Variants in ZNF438 observed in about 807,000 individuals in gnomAD.
ZNF438 encodes zinc finger protein 438.
Under a neutral mutation model 38.0 loss-of-function variants are expected in ZNF438, and 25 were observed. The ratio of observed to expected loss-of-function variants is 0.66; its 90% CI spans 0.48 to 0.92. The LOEUF (loss-of-function observed/expected upper bound fraction) is 0.92. Among genes scored for constraint, ZNF438 ranks in the 40% least tolerant of loss-of-function variants. The probability of loss-of-function intolerance (pLI) is 0.00; values close to 1 mark genes in which losing one functional copy is unlikely to be tolerated. For missense variants in ZNF438, 1,007 were observed against 999.6 expected, an observed-to-expected ratio of 1.01 and a Z score of -0.10; for synonymous variants, 372 against 364.1, an observed-to-expected ratio of 1.02 and a Z score of -0.25.
chr10:30,919,022 G>A (rs2134847349), intron 2 of ZNF438: 1 of 152,290 alleles, frequency 6.6e-6, no homozygotes, highest in African/African-American at 2.4e-5. Context: ...TAAAATTTAA[G>A]CTCTTTGTCT....
At chr10:30,916,881 T>C (rs2043697553) in intron 2 of ZNF438, among the ~76,000 whole-genome samples, 1 of 152,106 alleles carries the variant, frequency 6.6e-6, no homozygotes, top group African/African-American at 2.4e-5. Flanking sequence ...TTGATTCAAT[T>C]TGTATAACCA....
intron 1 of ZNF438, among the ~76,000 whole-genome samples, chr10:31,028,123 A>G (rs77966104): frequency 0.082 from 12,524 of 152,046 alleles, 613 homozygotes; most frequent in Non-Finnish European, 0.11. Flanking sequence ...ATATATCACC[A>G]GATCCCCTTT....
chr10:31,002,689 C>T (rs1345247877), intron 1 of ZNF438, among the ~76,000 whole-genome samples: 2 of 152,184 alleles, frequency 1.3e-5, no homozygotes, highest in Non-Finnish European at 2.9e-5. Flanking sequence ...CTAGGGAATG[C>T]CCTTTCATCC....
intron 1 of ZNF438, among the ~76,000 whole-genome samples, chr10:30,966,010 A>G (rs1236659107): frequency 6.6e-6 from 1 of 152,212 alleles, no homozygotes; most frequent in Non-Finnish European, 1.5e-5. Context: ...AATAGAATCT[A>G]CAAAAGTAAT....
At chr10:30,943,496 T>C (rs970334034) in intron 1 of ZNF438, among the ~76,000 whole-genome samples, 1 of 152,146 alleles carries the variant, frequency 6.6e-6, no homozygotes, top group Admixed American at 6.5e-5. Flanking sequence ...AGAGGGGCTT[T>C]TAGTATTTAA....
chr10:30,913,196 A>G (rs2043255154), intron 2 of ZNF438, among the ~76,000 whole-genome samples: 1 of 151,880 alleles, frequency 6.6e-6, no homozygotes, highest in Non-Finnish European at 1.5e-5. Flanking sequence ...AAAACCCTTT[A>G]TTTGTTTCTC....
chr10:30,917,764 G>A (rs193290333), intron 2 of ZNF438, among the ~76,000 whole-genome samples: 2 of 151,802 alleles, frequency 1.3e-5, no homozygotes, highest in East Asian at 3.9e-4. Context: ...CTTGTTTTTT[G>A]TTTTCTTAGT....
intron 1 of ZNF438, among the ~76,000 whole-genome samples, chr10:31,016,909 A>C (rs2056236963): frequency 6.6e-6 from 1 of 152,192 alleles, no homozygotes; most frequent in Admixed American, 6.5e-5. Context: ...TAAAGGGATA[A>C]CTTGAAGTCT....
chr10:30,923,632 T>C (rs1387751316), intron 2 of ZNF438, among the ~76,000 whole-genome samples: 1 of 152,216 alleles, frequency 6.6e-6, no homozygotes, highest in African/African-American at 2.4e-5. Context: ...CTTCCACATA[T>C]AGGTGGATCT....
At chr10:30,904,658 G>A (rs1434507241) in intron 3 of ZNF438, among the ~76,000 whole-genome samples, 2 of 152,044 alleles carry the variant, frequency 1.3e-5, no homozygotes, top group Non-Finnish European at 2.9e-5. Context: ...CTTCTCGGAC[G>A]CACCCTGCAC....
intron 1 of ZNF438, among the ~76,000 whole-genome samples, chr10:30,947,361 C>A (rs568395316): frequency 6.6e-6 from 1 of 152,312 alleles, no homozygotes; most frequent in Admixed American, 6.5e-5. Context: ...AATTAGAGAA[C>A]CATAACAGAA....
chr10:30,899,344 TAGAC>T (rs1195276880), intron 3 of ZNF438, among the ~76,000 whole-genome samples: 1 of 152,146 alleles, frequency 6.6e-6, no homozygotes, highest in Non-Finnish European at 1.5e-5. Flanking sequence ...AAACAGCACA[TAGAC>T]AGAAGAAAAG....
chr10:30,952,096 G>C (rs1039277645), intron 1 of ZNF438, among the ~76,000 whole-genome samples: 1 of 151,302 alleles, frequency 6.6e-6, no homozygotes, highest in South Asian at 2.1e-4. Flanking sequence ...AAATAACGCT[G>C]CCTATCTACA....
At chr10:30,872,476 C>T (rs535828934) in intron 4 of ZNF438, among the ~76,000 whole-genome samples, 2 of 131,504 alleles carry the variant, frequency 1.5e-5, no homozygotes, top group African/African-American at 5.5e-5. Flanking sequence ...AGAGGTCAGG[C>T]GCAGTGGCTG....
chr10:30,982,822 C>T (rs1322273930), intron 1 of ZNF438, among the ~76,000 whole-genome samples: 3 of 152,078 alleles, frequency 2.0e-5, no homozygotes, highest in Non-Finnish European at 4.4e-5. Context: ...AGTTATCATG[C>T]TAGAGTCCAT....
At chr10:30,932,601 A>C (rs1287915472) in intron 2 of ZNF438, among the ~76,000 whole-genome samples, 1 of 152,208 alleles carries the variant, frequency 6.6e-6, no homozygotes, top group African/African-American at 2.4e-5. Flanking sequence ...AGTTGAATGC[A>C]GCACTCTGCC....
chr10:30,908,233 A>G (rs2042765018), intron 3 of ZNF438, among the ~76,000 whole-genome samples: 1 of 152,210 alleles, frequency 6.6e-6, no homozygotes, highest in African/African-American at 2.4e-5. Flanking sequence ...GTGGTCAGAG[A>G]ACATACTTTA....
At chr10:30,947,200 C>G (rs376244372) in intron 1 of ZNF438, among the ~76,000 whole-genome samples, 14 of 152,270 alleles carry the variant, frequency 9.2e-5, no homozygotes, top group African/African-American at 2.6e-4. Flanking sequence ...AGCTCATTCT[C>G]GAGTTGAAGG....
chr10:30,891,265 G>A (rs549287450), intron 3 of ZNF438, among the ~76,000 whole-genome samples: 7 of 151,914 alleles, frequency 4.6e-5, no homozygotes, highest in Non-Finnish European at 8.8e-5. Flanking sequence ...GAAATGTTGG[G>A]CTTCCCTGGC....
Sources: gnomAD v4.1 joint callset for allele counts (sites outside exome capture counted in the v4.1 genomes callset) on GRCh38, gnomAD v4.1.1 for gene constraint, MANE v1.5 for transcripts, NCBI Gene and HGNC (gene_info 2026-07-23, HGNC 2026-07-21) for gene names.